ITSN2: variants seen among roughly 807,000 people sequenced by gnomAD.
ITSN2 encodes the protein intersectin 2.
A neutral mutation model predicts 243.7 loss-of-function variants in ITSN2; 156 were observed. The ratio of observed to expected loss-of-function variants is 0.64; its 90% CI spans 0.56 to 0.73. The LOEUF (loss-of-function observed/expected upper bound fraction) is 0.73, where lower values mean the gene tolerates loss of function less well. Among genes scored for constraint, ITSN2 ranks in the 30% least tolerant of loss-of-function variants. The pLI, the probability that ITSN2 is intolerant of heterozygous loss-of-function variation, is 0.00. For synonymous variants in ITSN2, 703 were observed against 699.9 expected, an observed-to-expected ratio of 1.00 and a Z score of -0.07; for missense variants, 1,801 against 1,996.1, an observed-to-expected ratio of 0.90 and a Z score of 1.86.
intron 1 of ITSN2, among the ~76,000 whole-genome samples, chr2:24,339,274 A>G (rs1686781909): frequency 1.3e-5 from 2 of 151,186 alleles, no homozygotes; most frequent in African/African-American, 2.4e-5. Flanking sequence ...AGATCATTTG[A>G]GTCCTGGGCT....
chr2:24,352,095 T>A (rs1187845557), intron 1 of ITSN2, among the ~76,000 whole-genome samples: 6 of 152,286 alleles, frequency 3.9e-5, no homozygotes, highest in Middle Eastern at 3.4e-3. Context: ...TTATCATAGG[T>A]ATGTATATAT....
Position 24,302,015 on chromosome 2 carries a change from T to C in ITSN2, c.945A>G (p.Gly315=), listed in dbSNP as rs199950309. 117 of 1,613,102 alleles carry C rather than the reference T, an allele frequency of 7.3e-5. No individual in the cohort carries two copies. The highest frequency in any genetic ancestry group is 9.4e-5 in the Non-Finnish European group (111 of 1,179,620). The change falls in exon 10 of 40, where the codon GGA becomes GGG. Residue 315 remains glycine, a synonymous_variant. Coordinates refer to ENST00000355123, the MANE Select transcript of ITSN2 (RefSeq NM_006277.3). ...AMHLTDMAKA[G]QPLPLTLPPE... is the part of the protein sequence containing the mutation. ...GAGGTAAAGTCAGTGGTAATGGCTG[T>C]CCAGCTTTGGCCATGTCAGTAAGGT... is the stretch of plus-strand genomic sequence containing the variant.
chr2:24,274,414 C>CA (rs1175380504), intron 18 of ITSN2, among the ~76,000 whole-genome samples: 3 of 151,358 alleles, frequency 2.0e-5, no homozygotes, highest in African/African-American at 7.3e-5. Flanking sequence ...TATTAAAATT[C>CA]AAAAAAAATT....
intron 2 of ITSN2, among the ~76,000 whole-genome samples, chr2:24,318,381 A>G (rs1193367156): frequency 1.3e-5 from 2 of 152,098 alleles, no homozygotes; most frequent in African/African-American, 4.8e-5. Flanking sequence ...CCTGGGCTCA[A>G]GTGATCCTCC....
At chr2:24,350,594 A>G (rs1687932498) in intron 1 of ITSN2, among the ~76,000 whole-genome samples, 1 of 152,236 alleles carries the variant, frequency 6.6e-6, no homozygotes, top group Non-Finnish European at 1.5e-5. Context: ...CATCAACTAC[A>G]GATGGATGAA....
intron 32 of ITSN2, among the ~76,000 whole-genome samples, chr2:24,215,159 G>A (rs1025629867): frequency 2.0e-5 from 3 of 152,174 alleles, no homozygotes; most frequent in Admixed American, 6.5e-5. Flanking sequence ...GTGGCATCAC[G>A]GAACTGATCC....
chr2:24,204,137 T>C lies in ITSN2; in HGVS notation c.4936+108A>G. ...GCGAGATGACACAGGCCTGTGTCAC[T>C]TCCCTGAAGTGGCATGGGGTCTGCA... On this transcript the variant is annotated intron_variant, in intron 39 of 39. Transcript: ENST00000355123. This position sits in a 1 kb window ranked among gnomAD's most constrained non-coding sequence, Gnocchi z 5.1. The C allele has an allele frequency of 8.9e-7, 1 of 1,118,250 alleles. No individual in the cohort carries two copies. The highest frequency in any genetic ancestry group is 1.3e-6 in the Non-Finnish European group (1 of 762,824). 69.3% of individuals were successfully genotyped at this position (1,118,250 alleles called of 1,614,324 possible).
At chr2:24,310,889 T>C (rs1034136475) in intron 5 of ITSN2, among the ~76,000 whole-genome samples, 197 bp from the exon 6 acceptor site, 4 of 152,196 alleles carry the variant, frequency 2.6e-5, no homozygotes, top group Admixed American at 6.5e-5. Flanking sequence ...CTCTGATCTG[T>C]ATGAACTAAG....
intron 1 of ITSN2, among the ~76,000 whole-genome samples, chr2:24,333,301 C>T (rs538569039): frequency 6.6e-6 from 1 of 152,320 alleles, no homozygotes; most frequent in East Asian, 1.9e-4. Flanking sequence ...TGACTCCCAA[C>T]ACACTGGACA....
chr2:24,300,179 A>AG lies in ITSN2; in HGVS notation c.1082-9dup. ...GTTTGTCCTCAAAAGTAACTGAACA[A>AG]GGTATGCCTATCAGCATCCACACAC... On this transcript the variant is annotated splice_polypyrimidine_tract_variant and intron_variant, in intron 11 of 39. Coordinates refer to ENST00000355123, the MANE Select transcript of ITSN2 (RefSeq NM_006277.3). The AG allele has an allele frequency of 6.2e-7, 1 of 1,613,874 alleles. No individual in the cohort carries two copies. The highest frequency in any genetic ancestry group is 8.5e-7 in the Non-Finnish European group (1 of 1,179,866).
chr2:24,321,998 TG>T (rs914817847), intron 2 of ITSN2: 2 of 152,224 alleles, frequency 1.3e-5, no homozygotes, highest in African/African-American at 4.8e-5. Flanking sequence ...GATTAGAACC[TG>T]GGTAGCCTGA....
intron 24 of ITSN2, 87 bp downstream of exon 24, chr2:24,254,280 T>C (rs1674737820): frequency 1.1e-6 from 1 of 878,590 alleles, no homozygotes; most frequent in Non-Finnish European, 1.9e-6. Flanking sequence ...TATGCAACTA[T>C]GTGAAGAACA....
intron 20 of ITSN2, among the ~76,000 whole-genome samples, chr2:24,269,719 C>A (rs79161287): frequency 6.6e-6 from 1 of 152,096 alleles, no homozygotes; most frequent in African/African-American, 2.4e-5. Flanking sequence ...ACATAGTCAG[C>A]CCTCAAAAAA....
chr2:24,221,705 T>G (rs1044172979), intron 29 of ITSN2, among the ~76,000 whole-genome samples: 2 of 152,200 alleles, frequency 1.3e-5, no homozygotes, highest in African/African-American at 4.8e-5. Flanking sequence ...CACTGCCTCA[T>G]CTCACTAGAA....
Position 24,211,007 on chromosome 2 carries a change from C to T in ITSN2, c.4090-60G>A, listed in dbSNP as rs1430764957. On this transcript the variant is annotated intron_variant, in intron 33 of 39. Transcript: ENST00000355123. The surrounding 1 kb of genome is among the most constrained non-coding windows in gnomAD (Gnocchi z 4.1). Reference sequence around the variant, plus strand: ...TGCGTCTCTCACCTGCCCACCTGGACCTTCGCAGGACCGCTCCTCCAACCC... The same window carrying T: ...TGCGTCTCTCACCTGCCCACCTGGATCTTCGCAGGACCGCTCCTCCAACCC... The T allele has an allele frequency of 3.2e-6, 5 of 1,542,094 alleles. No individual in the cohort carries two copies. The African/African-American group carries it at 4.1e-5, about 13-fold the overall frequency.
chr2:24,239,364 T>A (rs954053511), intron 29 of ITSN2: 1 of 152,180 alleles, frequency 6.6e-6, no homozygotes, highest in Non-Finnish European at 1.5e-5. Flanking sequence ...TTCAAAACAT[T>A]TAAATATCAG....
chr2:24,357,384 TCA>T (rs1355053630), intron 1 of ITSN2, among the ~76,000 whole-genome samples: 1 of 151,518 alleles, frequency 6.6e-6, no homozygotes, highest in Non-Finnish European at 1.5e-5. Context: ...GAACAGAAAA[TCA>T]AACACCCTAT....
intron 1 of ITSN2, among the ~76,000 whole-genome samples, chr2:24,358,103 ACAGGATTT>A (rs1024406010): frequency 1.8e-4 from 28 of 152,142 alleles, no homozygotes; most frequent in African/African-American, 6.8e-4. Flanking sequence ...TTTAGTAGAG[ACAGGATTT>A]CACCTTATTG....
chr2:24,315,696 G>C (rs2151767143), intron 2 of ITSN2, among the ~76,000 whole-genome samples: 1 of 152,276 alleles, frequency 6.6e-6, no homozygotes, highest in East Asian at 1.9e-4. Flanking sequence ...TTTCTCCCTT[G>C]TTGTTTTTGT....
Sources: gnomAD v4.1 joint callset for allele counts (sites outside exome capture counted in the v4.1 genomes callset) on GRCh38, gnomAD v4.1.1 for gene constraint, Gnocchi (gnomAD v3.1) non-coding constraint, MANE v1.5 for transcripts, NCBI Gene and HGNC (gene_info 2026-07-23, HGNC 2026-07-21) for gene names.